TLE4: variants seen among roughly 807,000 people sequenced by gnomAD.
The protein encoded by TLE4 is transducin-like enhancer protein 4.
TLE4 carries 8 observed loss-of-function variants against 92.8 expected under a neutral mutation model. That is an observed-to-expected ratio of 0.09 (90% CI 0.05 to 0.16). TLE4 has a LOEUF of 0.16. Ranked by LOEUF, TLE4 falls within the 10% of genes least tolerant of loss-of-function variation. The pLI is 1.00. For missense variants in TLE4, 675 were observed against 997.6 expected, an observed-to-expected ratio of 0.68 and a Z score of 4.36; for synonymous variants, 371 against 374.1, an observed-to-expected ratio of 0.99 and a Z score of 0.10.
At chr9:79,644,433 C>A (rs147918114) in intron 6 of TLE4, among the ~76,000 whole-genome samples, 1 of 152,170 alleles carries the variant, frequency 6.6e-6, no homozygotes, top group African/African-American at 2.4e-5. Flanking sequence ...TCATGTCATA[C>A]AATTCTTCCA....
intron 4 of TLE4, among the ~76,000 whole-genome samples, chr9:79,611,992 T>A (rs2048480514): frequency 6.7e-6 from 1 of 150,204 alleles, no homozygotes; most frequent in Non-Finnish European, 1.5e-5. Flanking sequence ...TACATACAGA[T>A]TGCTTCCTGC....
chr9:79,679,939 T>A (rs1242572853), intron 8 of TLE4, among the ~76,000 whole-genome samples: 1 of 152,128 alleles, frequency 6.6e-6, no homozygotes, highest in Non-Finnish European at 1.5e-5. Context: ...ATATGCGGCA[T>A]TATTTCTGAG....
chr9:79,652,325 T>A (rs1371233464), intron 6 of TLE4, among the ~76,000 whole-genome samples: 1 of 152,118 alleles, frequency 6.6e-6, no homozygotes, highest in African/African-American at 2.4e-5. Flanking sequence ...TAGCTGGGAC[T>A]ACAGGCACCA....
chr9:79,630,761 A>G (rs1015224632), intron 6 of TLE4, among the ~76,000 whole-genome samples: 3 of 152,200 alleles, frequency 2.0e-5, no homozygotes, highest in Non-Finnish European at 4.4e-5. Flanking sequence ...TTTTAAATCT[A>G]TTACACTATA....
At chr9:79,615,639 A>G (rs1212233532) in intron 5 of TLE4, among the ~76,000 whole-genome samples, 2 of 148,848 alleles carry the variant, frequency 1.3e-5, no homozygotes, top group African/African-American at 5.1e-5. Context: ...ATTTTTTTAA[A>G]CTTAAAAAAA....
At chr9:79,575,413 T>C (rs2037431565) in intron 3 of TLE4, among the ~76,000 whole-genome samples, 1 of 152,188 alleles carries the variant, frequency 6.6e-6, no homozygotes, top group Non-Finnish European at 1.5e-5. Context: ...CAGCAGACCA[T>C]TTTTCAAATT....
intron 4 of TLE4, among the ~76,000 whole-genome samples, chr9:79,602,498 T>G (rs770450296): frequency 6.6e-6 from 1 of 152,220 alleles, no homozygotes; most frequent in Non-Finnish European, 1.5e-5. Flanking sequence ...AGAATTATGC[T>G]AAATCTACCC....
At chr9:79,704,175 G>T (rs1309935269) in intron 8 of TLE4, among the ~76,000 whole-genome samples, 1 of 151,772 alleles carries the variant, frequency 6.6e-6, no homozygotes, top group Non-Finnish European at 1.5e-5. Context: ...ATGCAGTGGC[G>T]CCATCTTGGC....
chr9:79,592,873 A>C (rs1265067324), intron 4 of TLE4, among the ~76,000 whole-genome samples: 1 of 152,170 alleles, frequency 6.6e-6, no homozygotes, highest in Non-Finnish European at 1.5e-5. Flanking sequence ...CTGAGTCAAT[A>C]ATTGTCTTGG....
chr9:79,650,234 A>G (rs906539474), intron 6 of TLE4, among the ~76,000 whole-genome samples: 5 of 151,932 alleles, frequency 3.3e-5, no homozygotes, highest in South Asian at 2.1e-4. Context: ...TTTTTGGTCT[A>G]ATGTAATAGA....
Position 79,708,392 on chromosome 9 carries a change from C to T in TLE4, c.1069+142C>T, listed in dbSNP as rs554893309. 11 of 1,171,854 alleles carry T rather than the reference C, an allele frequency of 9.4e-6. No homozygotes were observed. The African/African-American group carries it at 1.6e-4, about 17-fold the overall frequency. 72.6% of individuals were successfully genotyped at this position (1,171,854 alleles called of 1,614,324 possible). ...AAAGTTACTTAACCTGAACCGAGCA[C>T]CTGGGACCAACCTTGTCTGGCACAT... On this transcript the variant is annotated intron_variant, in intron 12 of 19. Transcript: ENST00000376552.
At chr9:79,627,275 T>G in intron 5 of TLE4, 99 bp from the exon 6 acceptor site, 1 of 1,217,614 alleles carries the variant, frequency 8.2e-7, no homozygotes, top group Non-Finnish European at 1.2e-6. Flanking sequence ...CCAAATGCTG[T>G]TTTGCATGTA....
At chr9:79,597,871 AAATATCTG>A (rs2044417999) in intron 4 of TLE4, among the ~76,000 whole-genome samples, 3 of 152,136 alleles carry the variant, frequency 2.0e-5, no homozygotes, top group African/African-American at 7.2e-5. Context: ...ACATTAAGTG[AAATATCTG>A]GCACAGAGCA....
At position 79,692,499 on chromosome 9, in the gene TLE4, A is replaced by C. The variant is rs568020118; in HGVS notation, c.610-12284A>C. 2.0e-5 allele frequency among the ~76,000 whole-genome samples: 3 copies of C among 152,218 alleles called. No homozygotes were observed. The East Asian group carries it at 5.8e-4, about 29-fold the overall frequency. ...TTTAGGACAGATCCCAGAAACAATC[A>C]TGAAAGGAAGGGCGGTATGCCTCCA... On this transcript the variant is annotated intron_variant, in intron 8 of 19. Transcript: ENST00000376552.
rs903836212 is a variant in TLE4 at position 79,716,424 on chromosome 9, A to G, written c.1341-2298A>G. ...ATCTGAAAATGTGTGTGTATATTTA[A>G]TGGTATTTTCCACTGTCTGAGGTGT... On this transcript the variant is annotated intron_variant, in intron 14 of 19. Coordinates refer to ENST00000376552, the MANE Select transcript of TLE4 (RefSeq NM_007005.6). Among the ~76,000 whole-genome samples, 17 of 152,160 alleles carry G rather than the reference A, an allele frequency of 1.1e-4. No homozygotes were observed. The South Asian group carries it at 2.9e-3, about 26-fold the overall frequency.
intron 6 of TLE4, among the ~76,000 whole-genome samples, chr9:79,641,119 TAAAA>T (rs761170778): frequency 7.2e-6 from 1 of 138,116 alleles, no homozygotes; most frequent in Non-Finnish European, 1.6e-5. Flanking sequence ...CTTTAAAACT[TAAAA>T]AAAAAAAACA....
chr9:79,572,736 T>G lies in TLE4; in HGVS notation c.-55T>G. 6.3e-7 allele frequency: 1 copy of G among 1,576,980 alleles called. No individual in the cohort carries two copies. Among genetic ancestry groups the G allele is most frequent in the Non-Finnish European group, 8.6e-7 (1 of 1,160,470 alleles). On this transcript the variant is annotated 5_prime_UTR_variant, in exon 1 of 20. Transcript: ENST00000376552. ...CGCGGCCGCCTCCTCTTCGGGGTCA[T>G]TAAAGCCAATGAGCCGCGCGCCTCT... is the stretch of plus-strand genomic sequence containing the variant.
chr9:79,617,232 A>G (rs1268223784), intron 5 of TLE4, among the ~76,000 whole-genome samples: 3 of 152,072 alleles, frequency 2.0e-5, no homozygotes, highest in Non-Finnish European at 4.4e-5. Context: ...CACACAGGTT[A>G]TCTTTCAGGA....
chr9:79,685,225 G>T (rs2065594033), intron 8 of TLE4, among the ~76,000 whole-genome samples: 2 of 152,120 alleles, frequency 1.3e-5, no homozygotes, highest in African/African-American at 4.8e-5. Context: ...AAGAAGCATT[G>T]TTACCCTCAT....
Sources: gnomAD v4.1 joint callset for allele counts (sites outside exome capture counted in the v4.1 genomes callset) on GRCh38, gnomAD v4.1.1 for gene constraint, MANE v1.5 for transcripts, NCBI Gene and HGNC (gene_info 2026-07-23, HGNC 2026-07-21) for gene names.